Variants in CNTNAP2 observed in about 807,000 individuals in gnomAD.
The protein encoded by CNTNAP2 is contactin associated protein 2.
In CNTNAP2, 98 loss-of-function variants were observed where a neutral mutation model predicts 155.2. That is an observed-to-expected ratio of 0.63 (90% CI 0.54 to 0.75). CNTNAP2 has a LOEUF of 0.75. CNTNAP2 is among the 30% of genes least tolerant of loss of function. The probability of loss-of-function intolerance (pLI) is 0.00; values close to 1 mark genes in which losing one functional copy is unlikely to be tolerated. For missense variants in CNTNAP2, 1,727 were observed against 1,688.1 expected, an observed-to-expected ratio of 1.02 and a Z score of -0.40; for synonymous variants, 651 against 631.2, an observed-to-expected ratio of 1.03 and a Z score of -0.47.
At chr7:147,295,281 G>A (rs1805415656) in intron 8 of CNTNAP2, among the ~76,000 whole-genome samples, 1 of 151,964 alleles carries the variant, frequency 6.6e-6, no homozygotes, top group Non-Finnish European at 1.5e-5. Context: ...GTGTGTGTGT[G>A]TGTGCACGTG....
intron 8 of CNTNAP2, among the ~76,000 whole-genome samples, chr7:147,184,512 G>A (rs570579736): frequency 2.6e-5 from 4 of 152,280 alleles, no homozygotes; most frequent in African/African-American, 9.6e-5. Flanking sequence ...TTAAGACAGA[G>A]GCCAGGTAAA....
chr7:147,801,117 C>T (rs568700064), intron 13 of CNTNAP2, among the ~76,000 whole-genome samples: 1 of 152,208 alleles, frequency 6.6e-6, no homozygotes, highest in East Asian at 1.9e-4. Context: ...GATGTGTGCT[C>T]TGTTTATTAT....
At chr7:148,078,942 A>G (rs536348444) in intron 15 of CNTNAP2, among the ~76,000 whole-genome samples, 6 of 152,330 alleles carry the variant, frequency 3.9e-5, no homozygotes, top group African/African-American at 1.4e-4. Flanking sequence ...ACCTATGAAC[A>G]GTATTTGTAG....
At chr7:147,724,490 A>G (rs767626482) in intron 13 of CNTNAP2, among the ~76,000 whole-genome samples, 3 of 152,026 alleles carry the variant, frequency 2.0e-5, no homozygotes, top group Non-Finnish European at 4.4e-5. Context: ...TTGGCCATTG[A>G]AAACCAATCC....
chr7:148,312,958 C>A (rs1797620772), intron 21 of CNTNAP2, among the ~76,000 whole-genome samples: 1 of 151,564 alleles, frequency 6.6e-6, no homozygotes, highest in South Asian at 2.1e-4. Flanking sequence ...GAAAAGGTGG[C>A]AATGAGGTGT....
At chr7:146,540,607 G>A (rs1000802286) in intron 1 of CNTNAP2, among the ~76,000 whole-genome samples, 2 of 151,902 alleles carry the variant, frequency 1.3e-5, no homozygotes, top group Non-Finnish European at 2.9e-5. Context: ...GTCCCAAAAT[G>A]TGGCATAGAT....
At chr7:148,002,630 G>A (rs1361476787) in intron 15 of CNTNAP2, among the ~76,000 whole-genome samples, 3 of 152,024 alleles carry the variant, frequency 2.0e-5, no homozygotes, top group Non-Finnish European at 4.4e-5. Context: ...CCAAAACCTT[G>A]ATTTTTTTGG....
intron 1 of CNTNAP2, among the ~76,000 whole-genome samples, chr7:146,457,089 G>A (rs1796565622): frequency 6.6e-6 from 1 of 151,942 alleles, no homozygotes; most frequent in African/African-American, 2.4e-5. Context: ...TTTTGATGTG[G>A]AAAGCACTAT....
chr7:146,354,196 T>A (rs2129099394), intron 1 of CNTNAP2, among the ~76,000 whole-genome samples: 1 of 152,296 alleles, frequency 6.6e-6, no homozygotes, highest in South Asian at 2.1e-4. Context: ...TTATGTGACT[T>A]TGATAAAGCC....
intron 3 of CNTNAP2, among the ~76,000 whole-genome samples, chr7:146,958,648 C>T (rs1797490896): frequency 6.6e-6 from 1 of 151,860 alleles, no homozygotes; most frequent in African/African-American, 2.4e-5. Flanking sequence ...CTCCTGACCT[C>T]GTGATCCGCC....
intron 10 of CNTNAP2, among the ~76,000 whole-genome samples, chr7:147,418,603 G>A (rs144044047): frequency 5.1e-4 from 78 of 152,278 alleles, no homozygotes; most frequent in Middle Eastern, 3.4e-3. Flanking sequence ...ACAGTGAGTC[G>A]TAATTAGGAT....
intron 21 of CNTNAP2, among the ~76,000 whole-genome samples, chr7:148,338,320 T>A (rs920999761): frequency 6.6e-6 from 1 of 152,248 alleles, no homozygotes; most frequent in Admixed American, 6.5e-5. Context: ...CTGTGCATCA[T>A]GATCCTTTTT....
intron 15 of CNTNAP2, among the ~76,000 whole-genome samples, chr7:148,074,546 G>C (rs1459421205): frequency 1.3e-5 from 2 of 151,938 alleles, no homozygotes; most frequent in Non-Finnish European, 1.5e-5. Flanking sequence ...AAAAATTGCT[G>C]GGCGTGGTGG....
At chr7:146,379,928 G>A (rs1795357692) in intron 1 of CNTNAP2, among the ~76,000 whole-genome samples, 1 of 152,148 alleles carries the variant, frequency 6.6e-6, no homozygotes, top group South Asian at 2.1e-4. Flanking sequence ...GTTTCCTACT[G>A]AATAATCAAC....
chr7:146,360,468 A>G (rs922405213), intron 1 of CNTNAP2, among the ~76,000 whole-genome samples: 1 of 152,248 alleles, frequency 6.6e-6, no homozygotes, highest in African/African-American at 2.4e-5. Context: ...ACACAGACTT[A>G]TTAATAGTAT....
intron 13 of CNTNAP2, among the ~76,000 whole-genome samples, chr7:147,860,589 C>CAAAAAAAAAAAAAAAAAA (rs11342244): frequency 1.3e-4 from 16 of 124,404 alleles, no homozygotes; most frequent in Admixed American, 3.4e-4. Context: ...GACTCTGTCT[C>CAAAAAAAAAAAAAAAAAA]AAAAAAAAAA....
rs192664425 is a variant in CNTNAP2, at chr7:148,005,352, A to G, written c.2383+27363A>G. On this transcript the variant is annotated intron_variant, in intron 15 of 23. Transcript: ENST00000361727. The stretch of plus-strand genomic sequence containing the variant: ...AAGGCCCCCCTTCTCATGCCATTAC[A>G]TTGGTGATTAGGGTTTTAGCATAGG... Among the ~76,000 whole-genome samples, 4 of 152,248 alleles carry G rather than the reference A, an allele frequency of 2.6e-5. No homozygotes were observed. The East Asian group carries it at 5.8e-4, about 22-fold the overall frequency.
chr7:148,397,935 G>T (rs1414152978), intron 22 of CNTNAP2, among the ~76,000 whole-genome samples: 2 of 152,252 alleles, frequency 1.3e-5, no homozygotes, highest in African/African-American at 4.8e-5. Flanking sequence ...GACAACAATG[G>T]AAGCATATTT....
At chr7:147,780,189 C>A (rs1372406100) in intron 13 of CNTNAP2, among the ~76,000 whole-genome samples, 1 of 152,154 alleles carries the variant, frequency 6.6e-6, no homozygotes, top group Non-Finnish European at 1.5e-5. Context: ...ACAGACATTT[C>A]TGAAGGAGCA....
Sources: gnomAD v4.1 joint callset for allele counts (sites outside exome capture counted in the v4.1 genomes callset) on GRCh38, gnomAD v4.1.1 for gene constraint, MANE v1.5 for transcripts, NCBI Gene and HGNC (gene_info 2026-07-23, HGNC 2026-07-21) for gene names.